PDE10A: variants seen among roughly 807,000 people sequenced by gnomAD.
The protein encoded by PDE10A is cAMP and cAMP-inhibited cGMP 3',5'-cyclic phosphodiesterase 10A.
In PDE10A, 39 loss-of-function variants were observed where a neutral mutation model predicts 97.7. The ratio of observed to expected loss-of-function variants is 0.40; its 90% CI spans 0.31 to 0.52. The LOEUF is 0.52. Ranked by LOEUF, PDE10A falls within the 20% of genes least tolerant of loss-of-function variation. PDE10A has a pLI of 0.56. For synonymous variants in PDE10A, 371 were observed against 376.8 expected (o/e 0.98, Z 0.18); for missense variants, 731 against 1,047.8 (o/e 0.70, Z 4.17).
At chr6:165,712,952 CT>C (rs1385308759) in intron 1 of PDE10A, among the ~76,000 whole-genome samples, 1 of 152,164 alleles carries the variant, frequency 6.6e-6, no homozygotes, top group Non-Finnish European at 1.5e-5. Context: ...TTTTAACTTC[CT>C]TTAAAAATAC....
intron 1 of PDE10A, among the ~76,000 whole-genome samples, chr6:165,691,176 TCTCTCTCTCTCCC>T (rs1791277562): frequency 2.7e-5 from 1 of 37,340 alleles, no homozygotes; most frequent in East Asian, 4.8e-4. Flanking sequence ...TTTCTTTCTC[TCTCTCTCTCTCCC>T]TCTCTCTCTC....
intron 18 of PDE10A, among the ~76,000 whole-genome samples, chr6:165,363,015 A>T (rs1470180377): frequency 6.8e-6 from 1 of 147,728 alleles, no homozygotes; most frequent in South Asian, 2.1e-4. Flanking sequence ...TCCAACACCC[A>T]TTCACAATAA....
At chr6:165,363,613 C>A (rs747899040) in intron 18 of PDE10A, among the ~76,000 whole-genome samples, 2 of 151,988 alleles carry the variant, frequency 1.3e-5, no homozygotes, top group Middle Eastern at 3.2e-3. Flanking sequence ...GACGACATGA[C>A]CTTGTGTGCA....
intron 1 of PDE10A, among the ~76,000 whole-genome samples, chr6:165,972,269 G>A (rs879210891): frequency 2.6e-5 from 4 of 152,070 alleles, no homozygotes; most frequent in South Asian, 2.1e-4. Flanking sequence ...CTGCTGGGAA[G>A]TGAGAACTCG....
chr6:165,601,361 C>T (rs1360376521), intron 1 of PDE10A, among the ~76,000 whole-genome samples: 1 of 152,132 alleles, frequency 6.6e-6, no homozygotes, highest in Non-Finnish European at 1.5e-5. Context: ...TCTCTAGCTA[C>T]CCAAATATAA....
At chr6:165,621,889 G>A (rs983180117) in intron 1 of PDE10A, among the ~76,000 whole-genome samples, 1 of 152,134 alleles carries the variant, frequency 6.6e-6, no homozygotes, top group African/African-American at 2.4e-5. Context: ...AACTCTATAA[G>A]ACAGCTAGGC....
At chr6:165,466,689 T>C (rs2322929) in intron 3 of PDE10A, among the ~76,000 whole-genome samples, 11,644 of 152,132 alleles carry the variant, frequency 0.077, 1,400 homozygotes, top group African/African-American at 0.26. Context: ...TAATCATCTG[T>C]AACTATTCTC....
At chr6:165,452,964 A>G (rs974663412) in intron 3 of PDE10A, among the ~76,000 whole-genome samples, 13 of 152,194 alleles carry the variant, frequency 8.5e-5, no homozygotes, top group Admixed American at 1.3e-4. Flanking sequence ...AGTGGTCACA[A>G]TCAGAATACT....
rs911678032 is a variant in PDE10A, at chr6:165,330,248, G to A, written c.*2777C>T. 3 of 152,024 alleles carry A rather than the reference G, an allele frequency of 2.0e-5. No homozygotes were observed. Among genetic ancestry groups the A allele is most frequent in the African/African-American group, 4.8e-5 (2 of 41,404 alleles). 9.4% of individuals were successfully genotyped at this position (152,024 alleles called of 1,614,324 possible). A position where few individuals can be genotyped will look rare whatever the true frequency, so the allele number is the denominator to read the frequency against. On this transcript the variant is annotated 3_prime_UTR_variant, in exon 22 of 22. Transcript: ENST00000539869. ...GAAAATTTGGCACAATACACAATAC[G>A]ACCTTAATAGGAACTCATCAAAGCT...
chr6:165,832,254 G>A (rs1406005584), intron 1 of PDE10A, among the ~76,000 whole-genome samples: 2 of 152,018 alleles, frequency 1.3e-5, no homozygotes, highest in African/African-American at 4.8e-5. Flanking sequence ...GGAGACAGAA[G>A]TGGTGGTGGG....
chr6:165,526,556 G>C (rs1782459263), intron 2 of PDE10A, among the ~76,000 whole-genome samples: 1 of 152,134 alleles, frequency 6.6e-6, no homozygotes, highest in African/African-American at 2.4e-5. Flanking sequence ...CCACCATCAA[G>C]GACTTGAAAG....
intron 3 of PDE10A, among the ~76,000 whole-genome samples, chr6:165,473,609 C>G (rs1779135598): frequency 7.9e-6 from 1 of 126,388 alleles, no homozygotes; most frequent in African/African-American, 3.2e-5. Context: ...AAGGTTACAG[C>G]TGACAATTAA....
At chr6:165,528,767 T>A (rs1442827354) in intron 2 of PDE10A, among the ~76,000 whole-genome samples, 1 of 152,194 alleles carries the variant, frequency 6.6e-6, no homozygotes, top group Non-Finnish European at 1.5e-5. Flanking sequence ...TCTTACCATG[T>A]TCCCCATCAT....
intron 1 of PDE10A, among the ~76,000 whole-genome samples, chr6:165,906,025 C>G (rs1562791996): frequency 4.9e-4 from 4 of 8,202 alleles, no homozygotes; most frequent in Non-Finnish European, 6.5e-4. Flanking sequence ...CCCTCCCTCC[C>G]TTCCTTCCTT....
intron 3 of PDE10A, among the ~76,000 whole-genome samples, chr6:165,481,260 A>G (rs1779590956): frequency 6.6e-6 from 1 of 152,104 alleles, no homozygotes; most frequent in South Asian, 2.1e-4. Context: ...GTACCTTTTA[A>G]GCGTCCAGAC....
At chr6:165,789,550 T>C (rs1473033701) in intron 1 of PDE10A, among the ~76,000 whole-genome samples, 2 of 152,226 alleles carry the variant, frequency 1.3e-5, no homozygotes, top group Admixed American at 6.5e-5. Context: ...TTAATCAAGA[T>C]ATATTACTTT....
At chr6:165,566,045 C>T (rs1383335418) in intron 1 of PDE10A, among the ~76,000 whole-genome samples, 1 of 152,084 alleles carries the variant, frequency 6.6e-6, no homozygotes, top group Non-Finnish European at 1.5e-5. Flanking sequence ...AGAAGCAACA[C>T]AAAGACAAGA....
intron 1 of PDE10A, among the ~76,000 whole-genome samples, chr6:165,817,604 C>A (rs531369860): frequency 1.3e-5 from 2 of 152,246 alleles, no homozygotes. Context: ...AATGAGTCAA[C>A]GCATACATGG....
chr6:165,358,960 G>T lies in PDE10A; in HGVS notation c.2784-15458C>A, dbSNP rs191264761. 2.8e-3 allele frequency among the ~76,000 whole-genome samples: 424 copies of T among 151,550 alleles called. 2 individuals carry two copies. The highest frequency in any genetic ancestry group is 9.7e-3 in the African/African-American group (401 of 41,370). ...GCATACTTATCTACTGAAAATTAATGTTCTTCCACTTAACACTTCACTCTA... is the reference window on the plus strand; with the variant it reads ...GCATACTTATCTACTGAAAATTAATTTTCTTCCACTTAACACTTCACTCTA... On this transcript the variant is annotated intron_variant, in intron 18 of 21. Coordinates refer to ENST00000539869, the MANE Select transcript of PDE10A (RefSeq NM_001385079.1).
Sources: gnomAD v4.1 joint callset for allele counts (sites outside exome capture counted in the v4.1 genomes callset) on GRCh38, gnomAD v4.1.1 for gene constraint, MANE v1.5 for transcripts, NCBI Gene and HGNC (gene_info 2026-07-23, HGNC 2026-07-21) for gene names.